Variants in C12orf42 observed in about 807,000 individuals in gnomAD.
C12orf42 encodes chromosome 12 open reading frame 42, also known as uncharacterized protein C12orf42.
C12orf42 carries 25 observed loss-of-function variants against 21.6 expected under a neutral mutation model. The ratio of observed to expected loss-of-function variants is 1.16; its 90% CI spans 0.84 to 1.62. The LOEUF (loss-of-function observed/expected upper bound fraction) is 1.62, where lower values mean the gene tolerates loss of function less well. Ranked by LOEUF, C12orf42 falls within the 40% of genes most tolerant of loss-of-function variation. C12orf42 has a pLI of 0.00. For synonymous variants in C12orf42, 174 were observed against 175.0 expected, an observed-to-expected ratio of 0.99 and a Z score of 0.05; for missense variants, 483 against 459.3, an observed-to-expected ratio of 1.05 and a Z score of -0.47.
At chr12:103,284,929 C>T (rs1029889758) in intron 4 of C12orf42, among the ~76,000 whole-genome samples, 1 of 152,132 alleles carries the variant, frequency 6.6e-6, no homozygotes, top group Non-Finnish European at 1.5e-5. Flanking sequence ...ATAGTGGCTG[C>T]TAGGCTCTGT....
intron 4 of C12orf42, among the ~76,000 whole-genome samples, chr12:103,364,847 T>C (rs923144518): frequency 9.9e-5 from 15 of 151,854 alleles, no homozygotes; most frequent in African/African-American, 3.1e-4. Flanking sequence ...TTTTAAAAAT[T>C]ACCAGCCAAA....
chr12:103,180,112 C>T, the C12orf42 span, among the ~76,000 whole-genome samples: 1 of 151,348 alleles, frequency 6.6e-6, no homozygotes, highest in Non-Finnish European at 1.5e-5. Flanking sequence ...CATGCCTTCC[C>T]AATGAAGCCA....
intron 4 of C12orf42, among the ~76,000 whole-genome samples, chr12:103,362,182 ACT>A (rs1566154518): frequency 6.6e-6 from 1 of 152,028 alleles, no homozygotes; most frequent in East Asian, 1.9e-4. Flanking sequence ...ACATCACAGG[ACT>A]CTGTGTAGAC....
chr12:103,454,885 C>T (rs544350844), intron 2 of C12orf42, among the ~76,000 whole-genome samples: 1 of 152,276 alleles, frequency 6.6e-6, no homozygotes, highest in South Asian at 2.1e-4. Context: ...TATATATTTA[C>T]CCAGCATTAT....
chr12:103,216,468 T>A, the C12orf42 span, among the ~76,000 whole-genome samples: 1 of 151,800 alleles, frequency 6.6e-6, no homozygotes, highest in Admixed American at 6.6e-5. Flanking sequence ...CCTCCCGGGT[T>A]CACGCCATTC....
intron 5 of C12orf42, among the ~76,000 whole-genome samples, chr12:103,305,407 T>A (rs2038181812): frequency 6.6e-6 from 1 of 152,178 alleles, no homozygotes; most frequent in South Asian, 2.1e-4. Context: ...GAAGTAATAA[T>A]TGTCATTTTT....
chr12:103,490,000 T>C (rs1354129520), intron 1 of C12orf42, among the ~76,000 whole-genome samples: 1 of 152,084 alleles, frequency 6.6e-6, no homozygotes, highest in East Asian at 1.9e-4. Context: ...GGTACCTCAG[T>C]TGGAAATGCA....
At chr12:103,227,272 CG>C in the C12orf42 span, among the ~76,000 whole-genome samples, 1 of 151,102 alleles carries the variant, frequency 6.6e-6, no homozygotes. Flanking sequence ...GATAAGAGGT[CG>C]GGGCGTGGAA....
the C12orf42 span, among the ~76,000 whole-genome samples, chr12:103,519,664 C>T: frequency 0.098 from 14,930 of 152,104 alleles, 953 homozygotes; most frequent in South Asian, 0.27. Context: ...TGGCCTTGTG[C>T]TTTAATGGAG....
chr12:103,359,440 C>A (rs750620071), intron 4 of C12orf42, among the ~76,000 whole-genome samples: 38 of 152,000 alleles, frequency 2.5e-4, no homozygotes, highest in Non-Finnish European at 5.0e-4. Context: ...GACAAATAAA[C>A]AAACTGTAGT....
the C12orf42 span, among the ~76,000 whole-genome samples, chr12:103,561,795 G>A: frequency 1.3e-5 from 2 of 152,024 alleles, no homozygotes; most frequent in Non-Finnish European, 2.9e-5. Flanking sequence ...TCTCACTATC[G>A]TGTTTCCCTC....
At chr12:103,525,276 T>G in the C12orf42 span, among the ~76,000 whole-genome samples, 1 of 152,166 alleles carries the variant, frequency 6.6e-6, no homozygotes, top group East Asian at 1.9e-4. Context: ...GTGATCCTCT[T>G]GCCTGTGCCT....
chr12:103,457,351 G>A (rs1403559219), intron 2 of C12orf42, among the ~76,000 whole-genome samples: 1 of 152,182 alleles, frequency 6.6e-6, no homozygotes, highest in Non-Finnish European at 1.5e-5. Flanking sequence ...TATACACTGT[G>A]TTTCTCTTGG....
chr12:103,091,659 T>C, the C12orf42 span, among the ~76,000 whole-genome samples: 1 of 152,202 alleles, frequency 6.6e-6, no homozygotes, highest in Non-Finnish European at 1.5e-5. Flanking sequence ...AAGGGGTAGA[T>C]TCTTGTTATT....
chr12:103,071,591 T>A, the C12orf42 span, among the ~76,000 whole-genome samples: 1 of 152,132 alleles, frequency 6.6e-6, no homozygotes, highest in African/African-American at 2.4e-5. Flanking sequence ...GTTTTTCCCA[T>A]ACTGTTCTCA....
intron 2 of C12orf42, among the ~76,000 whole-genome samples, chr12:103,472,332 G>A (rs962099335): frequency 1.3e-5 from 2 of 152,060 alleles, no homozygotes; most frequent in African/African-American, 4.8e-5. Flanking sequence ...GGAATTACAG[G>A]CGTGAGCCAC....
At chr12:103,147,623 C>CTTTTTTTTTTTTTTTTTTTTTT in the C12orf42 span, among the ~76,000 whole-genome samples, 2 of 99,314 alleles carry the variant, frequency 2.0e-5, no homozygotes, top group African/African-American at 4.1e-5. Context: ...TTCTCTCTCT[C>CTTTTTTTTTTTTTTTTTTTTTT]TTTTTTTTTT....
chr12:103,276,514 T>G (rs2035781370), intron 5 of C12orf42, among the ~76,000 whole-genome samples: 1 of 152,168 alleles, frequency 6.6e-6, no homozygotes, highest in Admixed American at 6.5e-5. Context: ...GGAGGAGCAT[T>G]AACAATTACC....
intron 2 of C12orf42, among the ~76,000 whole-genome samples, chr12:103,435,124 C>T (rs1212792588): frequency 6.6e-6 from 1 of 152,102 alleles, no homozygotes. Flanking sequence ...CTGGGAGGCA[C>T]CCCCCAGCAG....
Sources: allele counts gnomAD v4.1 joint callset (sites outside exome capture counted in the v4.1 genomes callset), GRCh38; gene constraint gnomAD v4.1.1; transcripts MANE v1.5; gene names NCBI Gene and HGNC (gene_info 2026-07-23, HGNC 2026-07-21).